PAG1: variants seen among roughly 807,000 people sequenced by gnomAD.
PAG1 encodes the protein phosphoprotein associated with glycosphingolipid-enriched microdomains 1.
Under a neutral mutation model 31.7 loss-of-function variants are expected in PAG1, and 23 were observed. The ratio of observed to expected loss-of-function variants is 0.73; its 90% CI spans 0.52 to 1.03. PAG1 has a LOEUF of 1.03. Among genes scored for constraint, PAG1 ranks in the 50% least tolerant of loss-of-function variants. The pLI is 0.00. For missense variants in PAG1, 473 were observed against 540.7 expected, an observed-to-expected ratio of 0.87 and a Z score of 1.24; for synonymous variants, 214 against 210.3, an observed-to-expected ratio of 1.02 and a Z score of -0.15.
At chr8:81,005,186 C>T (rs1227826568) in intron 3 of PAG1, among the ~76,000 whole-genome samples, 1 of 152,088 alleles carries the variant, frequency 6.6e-6, no homozygotes, top group African/African-American at 2.4e-5. Flanking sequence ...CTGAGAGAGA[C>T]AGGACATGGG....
intron 4 of PAG1, among the ~76,000 whole-genome samples, chr8:80,992,060 A>C (rs1807561606): frequency 6.6e-6 from 1 of 152,190 alleles, no homozygotes; most frequent in Non-Finnish European, 1.5e-5. Flanking sequence ...CAGTCTAAAG[A>C]AAGCCATCAG....
chr8:81,044,723 C>G (rs1343018680), intron 2 of PAG1, among the ~76,000 whole-genome samples: 1 of 152,156 alleles, frequency 6.6e-6, no homozygotes, highest in Non-Finnish European at 1.5e-5. Context: ...CTCCTCACAA[C>G]CTCTCCTGTA....
chr8:80,977,486 C>G (rs1209751146), intron 8 of PAG1, among the ~76,000 whole-genome samples: 1 of 152,210 alleles, frequency 6.6e-6, no homozygotes, highest in Non-Finnish European at 1.5e-5. Flanking sequence ...AATTAGACTA[C>G]TCCATGCTTC....
intron 1 of PAG1, among the ~76,000 whole-genome samples, chr8:81,076,659 G>A (rs1052854810): frequency 6.6e-6 from 1 of 152,102 alleles, no homozygotes; most frequent in African/African-American, 2.4e-5. Flanking sequence ...AAATTATAGG[G>A]CAACTTCTTT....
At chr8:81,045,301 T>C (rs955364832) in intron 2 of PAG1, among the ~76,000 whole-genome samples, 3 of 152,172 alleles carry the variant, frequency 2.0e-5, no homozygotes, top group Non-Finnish European at 4.4e-5. Context: ...TATTTTCAGG[T>C]TGTTATTTTT....
chr8:80,968,573 T>C lies in PAG1; in HGVS notation c.*7971A>G, dbSNP rs1270824555. 2 of 152,334 alleles carry C rather than the reference T, an allele frequency of 1.3e-5. No homozygotes were observed. Among genetic ancestry groups the C allele is most frequent in the South Asian group, 2.1e-4 (1 of 4,828 alleles). The allele number at this position is 152,334 out of a possible 1,614,324, so 9.4% of individuals were successfully genotyped here. A position where few individuals can be genotyped will look rare whatever the true frequency, so the allele number is the denominator to read the frequency against. On this transcript the variant is annotated 3_prime_UTR_variant, in exon 9 of 9. Transcript: ENST00000220597. ...GATACAAACATTCTGGGATGGATGG[T>C]AGATGGATGCTACACTCTTCTAGAA...
intron 3 of PAG1, among the ~76,000 whole-genome samples, chr8:81,010,865 T>C (rs1807970979): frequency 6.6e-6 from 1 of 152,208 alleles, no homozygotes; most frequent in Admixed American, 6.5e-5. Flanking sequence ...CCCTTGACCA[T>C]GTCAAGCTTC....
intron 5 of PAG1, among the ~76,000 whole-genome samples, chr8:80,987,736 G>A (rs1165852740): frequency 6.6e-6 from 1 of 152,044 alleles, no homozygotes; most frequent in Non-Finnish European, 1.5e-5. Flanking sequence ...TAATTTATAA[G>A]TACAGTAATT....
chr8:81,069,644 T>C (rs975399161), intron 2 of PAG1, among the ~76,000 whole-genome samples: 11 of 152,236 alleles, frequency 7.2e-5, no homozygotes, highest in African/African-American at 4.8e-5. Context: ...ATTAATACCA[T>C]GAATAATGAT....
intron 2 of PAG1, among the ~76,000 whole-genome samples, chr8:81,058,100 G>C (rs1311405637): frequency 6.6e-6 from 1 of 152,132 alleles, no homozygotes; most frequent in Non-Finnish European, 1.5e-5. Flanking sequence ...CTGGACATTG[G>C]TGCATATATA....
chr8:81,059,967 G>A (rs1450763945), intron 2 of PAG1, among the ~76,000 whole-genome samples: 5 of 151,468 alleles, frequency 3.3e-5, no homozygotes, highest in African/African-American at 7.3e-5. Context: ...GCAGTGCGCC[G>A]AGATTGCAAT....
At chr8:80,986,367 T>C (rs1807421933) in intron 6 of PAG1, among the ~76,000 whole-genome samples, 3 of 152,110 alleles carry the variant, frequency 2.0e-5, no homozygotes, top group South Asian at 2.1e-4. Context: ...TACCCCACAG[T>C]TTCCTCATCA....
At chr8:80,994,577 G>T (rs1339990671) in intron 3 of PAG1, among the ~76,000 whole-genome samples, 1 of 152,112 alleles carries the variant, frequency 6.6e-6, no homozygotes, top group East Asian at 1.9e-4. Context: ...TGGCAGGGAG[G>T]GATGAGTCCA....
chr8:80,987,594 A>G, intron 5 of PAG1, 128 bp from the exon 6 acceptor site: 2 of 645,584 alleles, frequency 3.1e-6, no homozygotes, highest in Non-Finnish European at 5.5e-6. Context: ...AGAATCTCCT[A>G]TAATAGTCCC....
At chr8:81,052,959 T>C (rs1294065100) in intron 2 of PAG1, among the ~76,000 whole-genome samples, 1 of 152,256 alleles carries the variant, frequency 6.6e-6, no homozygotes, top group Non-Finnish European at 1.5e-5. Flanking sequence ...AGCGGATATT[T>C]ATTATCCCCA....
chr8:81,047,374 AC>A (rs1465603084), intron 2 of PAG1, among the ~76,000 whole-genome samples: 22 of 152,252 alleles, frequency 1.4e-4, no homozygotes, highest in African/African-American at 5.3e-4. Flanking sequence ...CTTTTTAATA[AC>A]AGCCATTCTG....
At chr8:81,055,711 T>C (rs1351252838) in intron 2 of PAG1, among the ~76,000 whole-genome samples, 2 of 152,176 alleles carry the variant, frequency 1.3e-5, no homozygotes, top group Non-Finnish European at 2.9e-5. Context: ...TTTATTCTCT[T>C]TGAAGCAATT....
rs558782852 is a variant in PAG1 at position 81,038,511 on chromosome 8, T to C, written c.-174-8422A>G. ...TTTTGAAAGATTGTTGTCCGTAAAA[T>C]GCCTGAGTTTCAGAGGGGTATGCAG... is the stretch of plus-strand genomic sequence containing the variant. On this transcript the variant is annotated intron_variant, in intron 2 of 8. Transcript: ENST00000220597. 2.6e-3 allele frequency among the ~76,000 whole-genome samples: 391 copies of C among 152,252 alleles called. 5 individuals are homozygous for C. The South Asian group carries it at 0.035, about 13-fold the overall frequency.
At position 80,971,967 on chromosome 8, in the gene PAG1, C is replaced by T. The variant is rs758236615; in HGVS notation, c.*4577G>A. 6.6e-6 allele frequency: 1 copy of T among 152,162 alleles called. No homozygotes were observed. Among genetic ancestry groups the T allele is most frequent in the Non-Finnish European group, 1.5e-5 (1 of 68,028 alleles). The allele number at this position is 152,162 out of a possible 1,614,324, so 9.4% of individuals were successfully genotyped here. Reference sequence around the variant, plus strand: ...TCTCTTTAAGTTAAACACTTTCAGTCTAAGTGTGTTCAACTGGCCTAAAGC... The same window carrying T: ...TCTCTTTAAGTTAAACACTTTCAGTTTAAGTGTGTTCAACTGGCCTAAAGC... On this transcript the variant is annotated 3_prime_UTR_variant, in exon 9 of 9. Transcript: ENST00000220597.
Sources: allele counts gnomAD v4.1 joint callset (sites outside exome capture counted in the v4.1 genomes callset), GRCh38; gene constraint gnomAD v4.1.1; transcripts MANE v1.5; gene names NCBI Gene and HGNC (gene_info 2026-07-23, HGNC 2026-07-21).